The following FAR2 variants were observed in gnomAD, a reference collection of about 807,000 sequenced individuals.
The protein encoded by FAR2 is epididymis secretory protein Li 81.
A neutral mutation model predicts 56.0 loss-of-function variants in FAR2; 19 were observed. The ratio of observed to expected loss-of-function variants is 0.34; its 90% CI spans 0.24 to 0.50. The LOEUF (loss-of-function observed/expected upper bound fraction) is 0.50, where lower values mean the gene tolerates loss of function less well. FAR2 is among the 20% of genes least tolerant of loss of function. The pLI is 0.98. For missense variants in FAR2, 508 were observed against 642.2 expected, an observed-to-expected ratio of 0.79 and a Z score of 2.26; for synonymous variants, 219 against 218.8, an observed-to-expected ratio of 1.00 and a Z score of -0.01.
In FAR2 at chr12:29,285,089, C is replaced by T. The variant is rs7136484; in HGVS notation, c.190-8211C>T. On this transcript the variant is annotated intron_variant, in intron 2 of 11. Coordinates refer to ENST00000536681, the MANE Select transcript of FAR2 (RefSeq NM_001271783.2). Reference sequence around the variant, plus strand: ...ATCTCCTGACCTCATGATCTGCCTGCCTCTGCCTCCCAAAGTGCTGGGATT... The same window carrying T: ...ATCTCCTGACCTCATGATCTGCCTGTCTCTGCCTCCCAAAGTGCTGGGATT... Among the ~76,000 whole-genome samples, 1,117 of 152,274 alleles carry T rather than the reference C, an allele frequency of 7.3e-3. 11 individuals are homozygous for T. Among genetic ancestry groups the T allele is most frequent in the African/African-American group, 0.025 (1,056 of 41,556 alleles).
At chr12:29,166,074 G>A (rs1949824647) in intron 1 of FAR2, among the ~76,000 whole-genome samples, 1 of 152,196 alleles carries the variant, frequency 6.6e-6, no homozygotes, top group Admixed American at 6.5e-5. Context: ...TTCCTCATCT[G>A]TGAATAACAA....
chr12:29,192,012 AT>A (rs1456782703), intron 1 of FAR2, among the ~76,000 whole-genome samples: 1 of 152,232 alleles, frequency 6.6e-6, no homozygotes, highest in African/African-American at 2.4e-5. Context: ...TTGCCTGACT[AT>A]TTGTATTGGT....
At chr12:29,297,352 C>T in intron 4 of FAR2, 152 bp downstream of exon 4, 1 of 686,266 alleles carries the variant, frequency 1.5e-6, no homozygotes, top group Non-Finnish European at 2.4e-6. Flanking sequence ...CTTGTCCCTG[C>T]TAGTTCTGGT....
chr12:29,320,902 G>A (rs530509994), intron 9 of FAR2, among the ~76,000 whole-genome samples: 20 of 152,222 alleles, frequency 1.3e-4, no homozygotes, highest in Admixed American at 2.0e-4. Context: ...ATTACACAGC[G>A]CAGGTTTTTT....
intron 2 of FAR2, among the ~76,000 whole-genome samples, chr12:29,290,206 G>A (rs550270281): frequency 1.3e-5 from 2 of 152,284 alleles, no homozygotes; most frequent in Admixed American, 6.5e-5. Flanking sequence ...AGCACTTTGG[G>A]AGGCTGAGAC....
intron 9 of FAR2, among the ~76,000 whole-genome samples, chr12:29,318,991 CTTTT>C (rs1294132188): frequency 6.7e-6 from 1 of 150,350 alleles, no homozygotes; most frequent in African/African-American, 2.4e-5. Flanking sequence ...TTTTCTTTTT[CTTTT>C]TTCTTTTTTT....
chr12:29,158,810 T>A (rs2136575643), intron 1 of FAR2, among the ~76,000 whole-genome samples: 1 of 152,352 alleles, frequency 6.6e-6, no homozygotes, highest in East Asian at 1.9e-4. Context: ...ATATCTATAT[T>A]TGGTTCAATT....
intron 1 of FAR2, among the ~76,000 whole-genome samples, chr12:29,257,131 C>T (rs973475929): frequency 2.0e-5 from 3 of 152,228 alleles, no homozygotes; most frequent in East Asian, 1.9e-4. Context: ...CGTGGAGAAC[C>T]TTTGTGTCTA....
At chr12:29,310,605 A>C (rs964096714) in intron 6 of FAR2, among the ~76,000 whole-genome samples, 1 of 152,236 alleles carries the variant, frequency 6.6e-6, no homozygotes, top group Admixed American at 6.5e-5. Context: ...TAAGTTAATA[A>C]ACCCTAGCAG....
intron 1 of FAR2, among the ~76,000 whole-genome samples, chr12:29,166,416 T>C (rs914200151): frequency 1.3e-5 from 2 of 152,234 alleles, no homozygotes; most frequent in Non-Finnish European, 2.9e-5. Context: ...TGTTGTCTTA[T>C]CTTTCCATGT....
chr12:29,324,215 A>T (rs1949604423), intron 10 of FAR2, among the ~76,000 whole-genome samples: 1 of 152,162 alleles, frequency 6.6e-6, no homozygotes, highest in Non-Finnish European at 1.5e-5. Context: ...ATAAAAAGAA[A>T]CGACCAAAGC....
chr12:29,175,850 C>A (rs754149495), intron 1 of FAR2, among the ~76,000 whole-genome samples: 1 of 152,152 alleles, frequency 6.6e-6, no homozygotes, highest in African/African-American at 2.4e-5. Context: ...CTGATTGGTG[C>A]GTTTACAATC....
chr12:29,150,124 T>C (rs1949670709), intron 1 of FAR2, among the ~76,000 whole-genome samples: 1 of 152,064 alleles, frequency 6.6e-6, no homozygotes, highest in South Asian at 2.1e-4. Flanking sequence ...GCCAGCAGAC[T>C]CCCAACTGGA....
At chr12:29,203,999 CAAAAAAAAA>C (rs34399942) in intron 1 of FAR2, among the ~76,000 whole-genome samples, 2 of 68,106 alleles carry the variant, frequency 2.9e-5, no homozygotes, top group Non-Finnish European at 4.9e-5. Context: ...GATTCCATCT[CAAAAAAAAA>C]AAAAAAAAAA....
chr12:29,162,042 CT>C (rs1949786014), intron 1 of FAR2, among the ~76,000 whole-genome samples: 1 of 152,102 alleles, frequency 6.6e-6, no homozygotes, highest in Admixed American at 6.6e-5. Flanking sequence ...TAGATATGTG[CT>C]TTGTCAATGT....
chr12:29,185,449 A>G (rs562661829), intron 1 of FAR2, among the ~76,000 whole-genome samples: 2 of 152,384 alleles, frequency 1.3e-5, no homozygotes, highest in African/African-American at 4.8e-5. Context: ...AGCAGGAGGA[A>G]ACAAGCACCA....
Position 29,258,180 on chromosome 12 carries a change from C to CT in FAR2, c.-38-12230dup, listed in dbSNP as rs1948358162. On this transcript the variant is annotated intron_variant, in intron 1 of 11. Transcript: ENST00000536681. ...CCAACAAGGTTAAACCTTGTCTTTA[C>CT]TTAAAAAAAAAAAAAAATGCAAAAA... Among the ~76,000 whole-genome samples, 7 of 65,436 alleles carry CT rather than the reference C, an allele frequency of 1.1e-4. No homozygotes were observed. The South Asian group carries it at 2.9e-3, about 27-fold the overall frequency. 42.9% of individuals were successfully genotyped at this position (65,436 alleles called of 152,430 possible).
intron 1 of FAR2, among the ~76,000 whole-genome samples, chr12:29,258,320 A>G (rs1948361675): frequency 1.3e-5 from 2 of 152,148 alleles, no homozygotes; most frequent in South Asian, 4.1e-4. Context: ...GCACCACTGC[A>G]CTCCAGTCTG....
rs1949459726 is a variant in FAR2, at chr12:29,316,916, G to C, written c.1031G>C (p.Ser344Thr). 3 of 1,614,048 alleles carry C rather than the reference G, an allele frequency of 1.9e-6. No individual in the cohort carries two copies. The East Asian group carries it at 6.7e-5, about 36-fold the overall frequency. The change falls in exon 9 of 12, where the codon AGC becomes ACC. Residue 344 changes from serine (S) to threonine (T), a missense_variant. Ser to Thr is a moderately conservative substitution (Grantham distance 58, BLOSUM62 1). Transcript: ENST00000536681. The part of the protein sequence containing the change: ...PFRRPNANFT[S>T]NSFTSQYWNA... ...AGGAGGCCAAATGCTAATTTTACCAGCAACAGCTTCACATCACAGTACTGG... is the reference window on the plus strand; with the variant it reads ...AGGAGGCCAAATGCTAATTTTACCACCAACAGCTTCACATCACAGTACTGG...
Sources: allele counts gnomAD v4.1 joint callset (sites outside exome capture counted in the v4.1 genomes callset), GRCh38; gene constraint gnomAD v4.1.1; transcripts MANE v1.5; gene names NCBI Gene and HGNC (gene_info 2026-07-23, HGNC 2026-07-21).